Variants in PTGFR observed in about 807,000 individuals in gnomAD.
PTGFR encodes prostaglandin F2-alpha receptor.
PTGFR carries 15 observed loss-of-function variants against 26.2 expected under a neutral mutation model. That is an observed-to-expected ratio of 0.57 (90% CI 0.38 to 0.88). The LOEUF is 0.88. Ranked by LOEUF, PTGFR falls within the 40% of genes least tolerant of loss-of-function variation. The probability of loss-of-function intolerance (pLI) is 0.00; values close to 1 mark genes in which losing one functional copy is unlikely to be tolerated. For missense variants in PTGFR, 369 were observed against 427.2 expected, an observed-to-expected ratio of 0.86 and a Z score of 1.20; for synonymous variants, 165 against 151.1, an observed-to-expected ratio of 1.09 and a Z score of -0.68.
Position 78,493,019 on chromosome 1 carries a change from T to C in PTGFR, c.276T>C (p.Tyr92=), listed in dbSNP as rs762700474. 49 of 1,614,266 alleles carry C rather than the reference T, an allele frequency of 3.0e-5. No individual in the cohort carries two copies. The East Asian group carries it at 3.3e-4, about 11-fold the overall frequency. ...ATGGAGCCATAGCAGTATTTGTATATGCTTCTGATAAAGAATGGATCCGCT... is the reference window on the plus strand; with the variant it reads ...ATGGAGCCATAGCAGTATTTGTATACGCTTCTGATAAAGAATGGATCCGCT... ...LINGAIAVFV[Y]ASDKEWIRFD... The change falls in exon 2 of 3, where the codon TAT becomes TAC. Residue 92 remains tyrosine (Y), a synonymous_variant. Coordinates refer to ENST00000370757, the MANE Select transcript of PTGFR (RefSeq NM_000959.4).
At chr1:78,499,765 G>A (rs1193014481) in intron 2 of PTGFR, among the ~76,000 whole-genome samples, 1 of 152,166 alleles carries the variant, frequency 6.6e-6, no homozygotes, top group African/African-American at 2.4e-5. Flanking sequence ...GGAATTTCAT[G>A]GACATACTAG....
At chr1:78,526,576 A>T (rs1650379101) in intron 2 of PTGFR, among the ~76,000 whole-genome samples, 1 of 152,124 alleles carries the variant, frequency 6.6e-6, no homozygotes, top group Non-Finnish European at 1.5e-5. Flanking sequence ...GAATGAAGCC[A>T]AGACAAATAA....
In PTGFR at chr1:78,536,670, A is replaced by G. The variant is rs764935764; in HGVS notation, c.1063A>G (p.Lys355Glu). ...TATTTCTGAGTCACCAGTTGCAGAG[A>G]AATCAGCAAGCACCTAGCTTAATAG... is the stretch of plus-strand genomic sequence containing the variant. ...AAISESPVAE[K>E]SAST The change falls in exon 3 of 3, where the codon AAA becomes GAA. Residue 355 changes from lysine to glutamate, a missense_variant. Lys to Glu is a moderately conservative substitution (Grantham distance 56, BLOSUM62 1). Transcript: ENST00000370757. The G allele has an allele frequency of 1.9e-6, 3 of 1,612,316 alleles. 1 individual carries two copies. In the South Asian group the frequency reaches 3.3e-5, roughly 18 times the overall value.
chr1:78,534,923 T>C (rs1270957452), intron 2 of PTGFR, among the ~76,000 whole-genome samples: 2 of 152,206 alleles, frequency 1.3e-5, no homozygotes, highest in Non-Finnish European at 1.5e-5. Flanking sequence ...TTTACAGAAA[T>C]ACTCTCCCCA....
At chr1:78,503,515 C>T (rs1470264871) in intron 2 of PTGFR, among the ~76,000 whole-genome samples, 1 of 152,156 alleles carries the variant, frequency 6.6e-6, no homozygotes, top group East Asian at 1.9e-4. Context: ...TTTCAGCAGA[C>T]TTTGCTGAGG....
intron 2 of PTGFR, among the ~76,000 whole-genome samples, chr1:78,506,147 C>T (rs1398089944): frequency 6.6e-6 from 1 of 152,170 alleles, no homozygotes; most frequent in Non-Finnish European, 1.5e-5. Flanking sequence ...CCATTCCTAA[C>T]AGCAACGTGC....
intron 2 of PTGFR, among the ~76,000 whole-genome samples, chr1:78,513,378 C>A (rs1650018119): frequency 6.6e-6 from 1 of 152,192 alleles, no homozygotes; most frequent in Non-Finnish European, 1.5e-5. Flanking sequence ...ATGTTATGAC[C>A]TAGCAAATAA....
At chr1:78,507,391 T>G (rs72673925) in intron 2 of PTGFR, among the ~76,000 whole-genome samples, 20,194 of 152,212 alleles carry the variant, frequency 0.13, 1,778 homozygotes, top group Non-Finnish European at 0.2. Flanking sequence ...GAGTGAAGCT[T>G]GGTTCCATAG....
At chr1:78,516,717 G>A (rs1650097277) in intron 2 of PTGFR, among the ~76,000 whole-genome samples, 1 of 152,090 alleles carries the variant, frequency 6.6e-6, no homozygotes, top group Admixed American at 6.6e-5. Flanking sequence ...AGTTGGCAAT[G>A]AGTACTAAAA....
chr1:78,530,854 C>A (rs571353826), intron 2 of PTGFR, among the ~76,000 whole-genome samples: 21 of 152,240 alleles, frequency 1.4e-4, no homozygotes, highest in Admixed American at 6.5e-4. Flanking sequence ...TTGCCTTTGC[C>A]ACTTACCAGC....
intron 2 of PTGFR, among the ~76,000 whole-genome samples, chr1:78,518,169 G>A (rs1057178371): frequency 3.3e-5 from 5 of 151,934 alleles, no homozygotes; most frequent in East Asian, 1.9e-4. Context: ...TTTTCCTTAT[G>A]GCTTAAAACA....
rs901618349 is a variant in PTGFR at position 78,499,733 on chromosome 1, A to G, written c.798+6192A>G. ...AAGTTTGAATCCAGAATGAGAATTT[A>G]GGAATTCTGTCAGCATCTAGAGGAA... is the stretch of plus-strand genomic sequence containing the variant. On this transcript the variant is annotated intron_variant, in intron 2 of 2. Coordinates refer to ENST00000370757, the MANE Select transcript of PTGFR (RefSeq NM_000959.4). Among the ~76,000 whole-genome samples the G allele has an allele frequency of 2.6e-5, 4 of 152,240 alleles. No individual in the cohort carries two copies. In the East Asian group the frequency reaches 7.7e-4, roughly 29 times the overall value.
In PTGFR at chr1:78,493,421, A is replaced by C. The variant is rs776039904; in HGVS notation, c.678A>C (p.Thr226=). 2 of 1,613,272 alleles carry C rather than the reference A, an allele frequency of 1.2e-6. No homozygotes were observed. The highest frequency in any genetic ancestry group is 1.1e-5 in the South Asian group (1 of 90,908). The change falls in exon 2 of 3, where the codon ACA becomes ACC. Residue 226 remains threonine, a synonymous_variant. Coordinates refer to ENST00000370757, the MANE Select transcript of PTGFR (RefSeq NM_000959.4). ...SLLCNAITGI[T]LLRVKFKSQQ... is the part of the protein sequence containing the mutation. Reference sequence around the variant, plus strand: ...TGTGCAATGCAATCACAGGAATTACACTTTTAAGAGTTAAATTTAAAAGTC... The same window carrying C: ...TGTGCAATGCAATCACAGGAATTACCCTTTTAAGAGTTAAATTTAAAAGTC...
chr1:78,512,151 T>A (rs1161861301), intron 2 of PTGFR, among the ~76,000 whole-genome samples: 1 of 152,214 alleles, frequency 6.6e-6, no homozygotes. Context: ...TCCCTCATCT[T>A]CCTGTGTTCT....
chr1:78,530,988 A>G (rs1393679430), intron 2 of PTGFR, among the ~76,000 whole-genome samples: 1 of 152,170 alleles, frequency 6.6e-6, no homozygotes, highest in African/African-American at 2.4e-5. Context: ...CAAAGTGATA[A>G]CATGACTTTT....
chr1:78,525,364 C>T (rs1199322864), intron 2 of PTGFR, among the ~76,000 whole-genome samples: 2 of 151,864 alleles, frequency 1.3e-5, no homozygotes, highest in Non-Finnish European at 2.9e-5. Context: ...ACTAGAATGA[C>T]TTGTAGAACT....
At chr1:78,506,927 C>T (rs952957123) in intron 2 of PTGFR, among the ~76,000 whole-genome samples, 3 of 152,134 alleles carry the variant, frequency 2.0e-5, no homozygotes, top group Non-Finnish European at 4.4e-5. Context: ...TTGTATTCCT[C>T]TGAAGAGTGT....
At chr1:78,505,914 G>A (rs529196294) in intron 2 of PTGFR, among the ~76,000 whole-genome samples, 53 of 152,194 alleles carry the variant, frequency 3.5e-4, no homozygotes, top group African/African-American at 1.2e-3. Context: ...TCAATATACT[G>A]CATTTTGTTT....
intron 2 of PTGFR, among the ~76,000 whole-genome samples, chr1:78,528,294 C>CAAAAAAAAAAAAAAAAAAAAAAAAA (rs35137595): frequency 9.9e-5 from 2 of 20,104 alleles, no homozygotes; most frequent in Admixed American, 7.9e-4. Flanking sequence ...AGAAAGTTAG[C>CAAAAAAAAAAAAAAAAAAAAAAAAA]AAAAAAAAAA....
Sources: allele counts gnomAD v4.1 joint callset (sites outside exome capture counted in the v4.1 genomes callset), GRCh38; gene constraint gnomAD v4.1.1; transcripts MANE v1.5; gene names NCBI Gene and HGNC (gene_info 2026-07-23, HGNC 2026-07-21).